The following RALGAPA2 variants were observed in gnomAD, a reference collection of about 807,000 sequenced individuals.
The protein encoded by RALGAPA2 is Ral GTPase activating protein catalytic subunit alpha 2, also known as ral GTPase-activating protein subunit alpha-2.
In RALGAPA2, 139 loss-of-function variants were observed where a neutral mutation model predicts 230.4. That is an observed-to-expected ratio of 0.60 (90% CI 0.53 to 0.69). The LOEUF is 0.69. Among genes scored for constraint, RALGAPA2 ranks in the 30% least tolerant of loss-of-function variants. RALGAPA2 has a pLI of 0.00. For synonymous variants in RALGAPA2, 847 were observed against 837.8 expected (o/e 1.01, Z -0.19); for missense variants, 2,163 against 2,276.0 (o/e 0.95, Z 1.01).
chr20:20,605,147 T>A, intron 15 of RALGAPA2, 28 bp downstream of exon 15: 3 of 1,542,414 alleles, frequency 1.9e-6, no homozygotes, highest in Non-Finnish European at 2.7e-6. Context: ...CCTAGACATC[T>A]GGTGTTAACC....
chr20:20,551,974 C>T lies in RALGAPA2; in HGVS notation c.3157-5142G>A, dbSNP rs181353275. On this transcript the variant is annotated intron_variant, in intron 23 of 39. Coordinates refer to ENST00000202677, the MANE Select transcript of RALGAPA2 (RefSeq NM_020343.4). ...TGTTGTTATGGAAAATAAAAAAGGG[C>T]GATTACAGGCCATTTCAATTCAAAA... 1.8e-4 allele frequency among the ~76,000 whole-genome samples: 27 copies of T among 152,072 alleles called. No individual in the cohort carries two copies. In the East Asian group the frequency reaches 3.5e-3, roughly 20 times the overall value.
intron 3 of RALGAPA2, among the ~76,000 whole-genome samples, chr20:20,666,681 G>A (rs1257796501): frequency 1.3e-5 from 2 of 152,162 alleles, no homozygotes; most frequent in Non-Finnish European, 2.9e-5. Flanking sequence ...ATATGATTCT[G>A]CCACCTTGCT....
At chr20:20,616,353 ATT>A (rs1050364869) in intron 12 of RALGAPA2, among the ~76,000 whole-genome samples, 162 bp from the exon 13 acceptor site, 1 of 151,806 alleles carries the variant, frequency 6.6e-6, no homozygotes, top group Admixed American at 6.6e-5. Context: ...CATATTCAAA[ATT>A]TTTTTTTGGT....
chr20:20,614,685 A>T (rs1306433789), intron 13 of RALGAPA2, among the ~76,000 whole-genome samples: 1 of 152,236 alleles, frequency 6.6e-6, no homozygotes, highest in Non-Finnish European at 1.5e-5. Context: ...GCACACCAAG[A>T]TTCTTGAGTC....
At chr20:20,529,036 A>AT (rs566495708) in intron 27 of RALGAPA2, among the ~76,000 whole-genome samples, 83 of 152,316 alleles carry the variant, frequency 5.4e-4, no homozygotes, top group African/African-American at 1.9e-3. Flanking sequence ...TTTATGTGCT[A>AT]TGTCCTTAGG....
At chr20:20,546,862 C>G in intron 23 of RALGAPA2, 30 bp from the exon 24 acceptor site, 1 of 1,547,830 alleles carries the variant, frequency 6.5e-7, no homozygotes, top group African/African-American at 1.4e-5. Context: ...AAAACACAAT[C>G]GTAATGTTCA....
chr20:20,629,062 A>T (rs2066583568), intron 10 of RALGAPA2, among the ~76,000 whole-genome samples: 1 of 151,976 alleles, frequency 6.6e-6, no homozygotes, highest in South Asian at 2.1e-4. Context: ...TTCCCACCTA[A>T]CTCTGGGTTT....
At chr20:20,429,814 C>T (rs139910883) in intron 37 of RALGAPA2, among the ~76,000 whole-genome samples, 5 of 152,324 alleles carry the variant, frequency 3.3e-5, no homozygotes, top group African/African-American at 1.2e-4. Context: ...AATGAACTGT[C>T]ATTCTTTCAT....
intron 36 of RALGAPA2, among the ~76,000 whole-genome samples, chr20:20,481,039 C>T (rs1250142602): frequency 6.6e-6 from 1 of 152,202 alleles, no homozygotes; most frequent in Non-Finnish European, 1.5e-5. Flanking sequence ...CTAGAAGGTG[C>T]AGCCCAAATT....
At chr20:20,462,054 T>C (rs921992366) in intron 37 of RALGAPA2, among the ~76,000 whole-genome samples, 40 of 152,142 alleles carry the variant, frequency 2.6e-4, no homozygotes, top group African/African-American at 9.4e-4. Flanking sequence ...TTTTATATCC[T>C]AGGACCAAAG....
At chr20:20,422,498 G>C (rs1444532100) in intron 37 of RALGAPA2, among the ~76,000 whole-genome samples, 1 of 152,098 alleles carries the variant, frequency 6.6e-6, no homozygotes, top group African/African-American at 2.4e-5. Flanking sequence ...TTGAGCCTGG[G>C]AAGTTGAGGC....
chr20:20,568,699 T>C (rs1215879952), intron 23 of RALGAPA2, among the ~76,000 whole-genome samples: 3 of 152,214 alleles, frequency 2.0e-5, no homozygotes, highest in Non-Finnish European at 4.4e-5. Flanking sequence ...CCTTCAGATT[T>C]AAGAAAGAAC....
intron 37 of RALGAPA2, among the ~76,000 whole-genome samples, chr20:20,416,133 G>A (rs1409674475): frequency 1.3e-5 from 2 of 152,180 alleles, no homozygotes; most frequent in East Asian, 1.9e-4. Context: ...TTCTCAGGAC[G>A]GCTGGGAAGA....
intron 39 of RALGAPA2, among the ~76,000 whole-genome samples, chr20:20,393,862 G>A (rs576243259): frequency 5.3e-5 from 8 of 152,262 alleles, no homozygotes; most frequent in African/African-American, 1.7e-4. Context: ...GGCTGCTGTC[G>A]GTGTGCTCAG....
intron 15 of RALGAPA2, among the ~76,000 whole-genome samples, chr20:20,603,056 A>C (rs6082063): frequency 0.029 from 4,450 of 152,248 alleles, 87 homozygotes; most frequent in South Asian, 0.061. Context: ...AGGTCCTCAG[A>C]GCTGTCAGAG....
intron 14 of RALGAPA2, among the ~76,000 whole-genome samples, chr20:20,607,891 G>A (rs879192912): frequency 3.9e-5 from 6 of 152,250 alleles, no homozygotes; most frequent in Admixed American, 2.0e-4. Context: ...CTGACAACAC[G>A]TGCACAGAGC....
chr20:20,420,306 T>C (rs919921038), intron 37 of RALGAPA2, among the ~76,000 whole-genome samples: 1 of 152,180 alleles, frequency 6.6e-6, no homozygotes, highest in Non-Finnish European at 1.5e-5. Context: ...ATATTGCCCT[T>C]AGAGGAACTG....
chr20:20,675,200 T>C (rs1202084671), intron 3 of RALGAPA2, among the ~76,000 whole-genome samples: 1 of 152,168 alleles, frequency 6.6e-6, no homozygotes, highest in Non-Finnish European at 1.5e-5. Context: ...TCAACATATG[T>C]GTATCAATAG....
At chr20:20,508,689 C>G (rs1602587428) in intron 33 of RALGAPA2, among the ~76,000 whole-genome samples, 1 of 152,212 alleles carries the variant, frequency 6.6e-6, no homozygotes, top group Admixed American at 6.5e-5. Flanking sequence ...TGAAAGTTGA[C>G]AGACAAGGTA....
Sources: gnomAD v4.1 joint callset for allele counts (sites outside exome capture counted in the v4.1 genomes callset) on GRCh38, gnomAD v4.1.1 for gene constraint, MANE v1.5 for transcripts, NCBI Gene and HGNC (gene_info 2026-07-23, HGNC 2026-07-21) for gene names.